NDRG3: variants seen among roughly 807,000 people sequenced by gnomAD.
NDRG3 encodes the protein NDRG family member 3, also known as protein NDRG3.
In NDRG3, 23 loss-of-function variants were observed where a neutral mutation model predicts 57.2. The observed-to-expected ratio is 0.40, with a 90% CI of 0.29 to 0.57. The LOEUF is 0.57. NDRG3 is among the 20% of genes least tolerant of loss of function. NDRG3 has a pLI of 0.42. For synonymous variants in NDRG3, 132 were observed against 162.6 expected, an observed-to-expected ratio of 0.81 and a Z score of 1.43; for missense variants, 384 against 457.3, an observed-to-expected ratio of 0.84 and a Z score of 1.46.
intron 5 of NDRG3, among the ~76,000 whole-genome samples, chr20:36,686,042 G>A (rs1274610726): frequency 6.6e-6 from 1 of 152,178 alleles, no homozygotes; most frequent in Admixed American, 6.5e-5. Flanking sequence ...CAGAATTGGA[G>A]ATGGAATTGA....
intron 15 of NDRG3, among the ~76,000 whole-genome samples, chr20:36,655,561 C>T (rs1201758538): frequency 6.6e-6 from 1 of 152,214 alleles, no homozygotes; most frequent in Non-Finnish European, 1.5e-5. Context: ...GTGGAGGAGA[C>T]TTTACCAAGG....
intron 1 of NDRG3, among the ~76,000 whole-genome samples, chr20:36,725,614 A>G (rs1017787150): frequency 1.3e-5 from 2 of 151,616 alleles, no homozygotes; most frequent in South Asian, 2.1e-4. Context: ...AAAAAAAAAA[A>G]AAAAGAAAAA....
At chr20:36,726,223 C>T (rs1984925864) in intron 1 of NDRG3, among the ~76,000 whole-genome samples, 1 of 152,152 alleles carries the variant, frequency 6.6e-6, no homozygotes, top group Admixed American at 6.5e-5. Flanking sequence ...ATACCCATCC[C>T]TAAGTATTTT....
At chr20:36,716,543 A>G (rs1984290908) in intron 2 of NDRG3, among the ~76,000 whole-genome samples, 1 of 151,948 alleles carries the variant, frequency 6.6e-6, no homozygotes, top group South Asian at 2.1e-4. Flanking sequence ...AAAAAAAAAA[A>G]AAAAAAGATT....
chr20:36,706,485 G>A (rs1039765276), intron 3 of NDRG3, among the ~76,000 whole-genome samples: 1 of 151,982 alleles, frequency 6.6e-6, no homozygotes, highest in Non-Finnish European at 1.5e-5. Flanking sequence ...TTCTGAACAC[G>A]ATAGCAAATC....
At chr20:36,677,444 GCA>G (rs1189010558) in intron 8 of NDRG3, among the ~76,000 whole-genome samples, 5 of 152,186 alleles carry the variant, frequency 3.3e-5, no homozygotes, top group African/African-American at 4.8e-5. Flanking sequence ...CAATCAGCAT[GCA>G]CTTCCTCCCT....
chr20:36,693,807 G>C (rs554402833), intron 3 of NDRG3, among the ~76,000 whole-genome samples: 1 of 151,560 alleles, frequency 6.6e-6, no homozygotes, highest in Non-Finnish European at 1.5e-5. Flanking sequence ...CAAGCTCAGG[G>C]CTCCAACAGA....
chr20:36,710,383 G>C (rs1023752513), intron 2 of NDRG3, among the ~76,000 whole-genome samples: 1 of 152,096 alleles, frequency 6.6e-6, no homozygotes, highest in African/African-American at 2.4e-5. Context: ...TCTGCAGAGA[G>C]AGGTTATGGG....
At chr20:36,677,005 T>C (rs1388918567) in intron 8 of NDRG3, among the ~76,000 whole-genome samples, 2 of 152,194 alleles carry the variant, frequency 1.3e-5, no homozygotes, top group Non-Finnish European at 2.9e-5. Flanking sequence ...CCCTGTGCTC[T>C]TGGGGGAACT....
At chr20:36,741,362 C>G (rs889466217) in intron 1 of NDRG3, among the ~76,000 whole-genome samples, 3 of 152,170 alleles carry the variant, frequency 2.0e-5, no homozygotes, top group Non-Finnish European at 2.9e-5. Flanking sequence ...TTTCCAGAAG[C>G]TAGCAGCATC....
chr20:36,687,663 T>C (rs763898245), intron 4 of NDRG3, 51 bp from the exon 5 acceptor site: 2 of 1,580,824 alleles, frequency 1.3e-6, no homozygotes, highest in East Asian at 4.5e-5. Flanking sequence ...ATCGCCCCAA[T>C]TTTCCTCTAC....
chr20:36,677,547 CAG>C (rs1980864764), intron 8 of NDRG3, among the ~76,000 whole-genome samples: 1 of 152,188 alleles, frequency 6.6e-6, no homozygotes, highest in African/African-American at 2.4e-5. Flanking sequence ...CAACCAGCTG[CAG>C]AGAGGAATAC....
chr20:36,658,514 A>G (rs985921978), intron 13 of NDRG3, among the ~76,000 whole-genome samples: 1 of 152,212 alleles, frequency 6.6e-6, no homozygotes, highest in Admixed American at 6.5e-5. Context: ...ATTTCTAGGA[A>G]CTACAGGCGT....
intron 13 of NDRG3, among the ~76,000 whole-genome samples, chr20:36,658,321 G>A (rs1373678190): frequency 6.6e-6 from 1 of 152,076 alleles, no homozygotes; most frequent in Non-Finnish European, 1.5e-5. Context: ...TAGTAGAGAT[G>A]AGGTTTCATC....
intron 3 of NDRG3, among the ~76,000 whole-genome samples, chr20:36,694,635 A>C (rs1325493782): frequency 6.6e-6 from 1 of 152,148 alleles, no homozygotes; most frequent in African/African-American, 2.4e-5. Flanking sequence ...TAATCTCTGT[A>C]ATGATCCTTC....
chr20:36,705,667 G>A (rs1018557514), intron 3 of NDRG3, among the ~76,000 whole-genome samples: 1 of 152,144 alleles, frequency 6.6e-6, no homozygotes, highest in Non-Finnish European at 1.5e-5. Context: ...TATCCCAAAA[G>A]TGGGAGGGTC....
At chr20:36,673,871 A>G (rs1980404108) in intron 8 of NDRG3, among the ~76,000 whole-genome samples, 1 of 151,876 alleles carries the variant, frequency 6.6e-6, no homozygotes, top group East Asian at 1.9e-4. Context: ...TTGGGAGGCC[A>G]AGACGGGTGG....
chr20:36,680,980 A>C (rs1981236354), intron 7 of NDRG3, 78 bp from the exon 8 acceptor site: 1 of 1,199,440 alleles, frequency 8.3e-7, no homozygotes, highest in East Asian at 2.4e-5. Flanking sequence ...ATGGTTGATC[A>C]ATTCTTACTT....
chr20:36,684,304 G>A lies in NDRG3; in HGVS notation c.383+109C>T, dbSNP rs1981586309. On this transcript the variant is annotated intron_variant, in intron 6 of 15. Coordinates refer to ENST00000349004, the MANE Select transcript of NDRG3 (RefSeq NM_032013.4). ...CTTGTTACCCCACTAAGCTCTAGGAGGACAGTGATAATATTTTTCCTAACC... is the reference window on the plus strand; with the variant it reads ...CTTGTTACCCCACTAAGCTCTAGGAAGACAGTGATAATATTTTTCCTAACC... The A allele has an allele frequency of 3.5e-6, 3 of 855,250 alleles. No homozygotes were observed. In the South Asian group the frequency reaches 4.5e-5, roughly 13 times the overall value. The allele number at this position is 855,250 out of a possible 1,614,324, so 53.0% of individuals were successfully genotyped here.
Sources: allele counts gnomAD v4.1 joint callset (sites outside exome capture counted in the v4.1 genomes callset), GRCh38; gene constraint gnomAD v4.1.1; transcripts MANE v1.5; gene names NCBI Gene and HGNC (gene_info 2026-07-23, HGNC 2026-07-21).